The following NAGK variants were observed in gnomAD, a reference collection of about 807,000 sequenced individuals.
NAGK encodes the protein N-acetyl-D-glucosamine kinase.
A neutral mutation model predicts 42.9 loss-of-function variants in NAGK; 35 were observed. The ratio of observed to expected loss-of-function variants is 0.82; its 90% CI spans 0.62 to 1.08. NAGK has a LOEUF of 1.08. NAGK is among the 50% of genes least tolerant of loss of function. The probability of loss-of-function intolerance (pLI) is 0.00; values close to 1 mark genes in which losing one functional copy is unlikely to be tolerated. For missense variants in NAGK, 446 were observed against 446.0 expected, an observed-to-expected ratio of 1.00 and a Z score of 0.00; for synonymous variants, 172 against 176.0, an observed-to-expected ratio of 0.98 and a Z score of 0.18.
intron 6 of NAGK, 79 bp from the exon 7 acceptor site, chr2:71,075,476 T>C (rs192420781): frequency 6.6e-5 from 74 of 1,123,008 alleles, no homozygotes; most frequent in Non-Finnish European, 9.2e-5. Context: ...GTAGAGACAT[T>C]AGGAAGGCCA....
In NAGK at chr2:71,075,618, G is replaced by A; in HGVS notation, c.643G>A (p.Gly215Arg). The A allele has an allele frequency of 6.2e-7, 1 of 1,613,998 alleles. No homozygotes were observed. Among genetic ancestry groups the A allele is most frequent in the Non-Finnish European group, 8.5e-7 (1 of 1,179,888 alleles). ...YRDFDKCRFA[G>R]FCRKIAEGAQ... is the part of the protein sequence containing the mutation. ...GGACTTTGATAAATGCAGGTTTGCT[G>A]GGTTTTGCCGGAAAATTGCAGAAGG... Residue 215 changes from glycine (G) to arginine (R), a missense_variant, in exon 7 of 10, where the codon GGG becomes AGG. Physicochemically the swap from Gly to Arg is moderately radical, Grantham distance 125. Coordinates refer to ENST00000244204, the MANE Select transcript of NAGK (RefSeq NM_017567.6).
upstream of NAGK, chr2:71,068,326 C>G (rs961038136): frequency 1.1e-5 from 6 of 532,022 alleles, no homozygotes; most frequent in African/African-American, 1.0e-4. Context: ...CGGGCGTTTA[C>G]AGGCAGGCAG....
chr2:71,068,782 C>A, intron 1 of NAGK, 70 bp downstream of exon 1: 1 of 1,431,486 alleles, frequency 7.0e-7, no homozygotes, highest in South Asian at 1.5e-5. Context: ...GCCTGGCAAG[C>A]TGGTGGCCTT....
At chr2:71,072,522 C>T (rs1672054401) in intron 4 of NAGK, 119 bp from the exon 5 acceptor site, 2 of 782,654 alleles carry the variant, frequency 2.6e-6, no homozygotes, top group Admixed American at 4.4e-5. Flanking sequence ...TTCTCCTCTA[C>T]AGGACTGGGT....
chr2:71,068,588 A>C, upstream of NAGK: 1 of 1,521,740 alleles, frequency 6.6e-7, no homozygotes, highest in Non-Finnish European at 8.8e-7. Flanking sequence ...GCGGGAGGTC[A>C]CGGGAAGTGG....
At chr2:71,068,433 G>A (rs890577371), upstream of NAGK, 5 of 1,337,878 alleles carry the variant, frequency 3.7e-6, no homozygotes, top group African/African-American at 6.2e-5. Context: ...GGATCCAGGA[G>A]GACGGGAGGG....
Position 71,075,611 on chromosome 2 carries a change from G to A in NAGK, c.636G>A (p.Arg212=). The A allele has an allele frequency of 1.2e-6, 2 of 1,613,630 alleles. No homozygotes were observed. Among genetic ancestry groups the A allele is most frequent in the Non-Finnish European group, 1.7e-6 (2 of 1,179,550 alleles). Reference sequence around the variant, plus strand: ...TGTATAGGGACTTTGATAAATGCAGGTTTGCTGGGTTTTGCCGGAAAATTG... The same window carrying A: ...TGTATAGGGACTTTGATAAATGCAGATTTGCTGGGTTTTGCCGGAAAATTG... ...THLYRDFDKC[R]FAGFCRKIAE... is the part of the protein sequence containing the mutation. The change falls in exon 7 of 10, where the codon AGG becomes AGA. Residue 212 remains arginine (R), a synonymous_variant. Coordinates refer to ENST00000244204, the MANE Select transcript of NAGK (RefSeq NM_017567.6).
chr2:71,078,412 G>T lies in NAGK; in HGVS notation c.939G>T (p.Leu313=). 1 of 1,614,080 alleles carries T rather than the reference G, an allele frequency of 6.2e-7. No homozygotes were observed. The highest frequency in any genetic ancestry group is 8.5e-7 in the Non-Finnish European group (1 of 1,179,970). ...TGAAGCTGAGGCACTCCTCCGCTCTGGGTGGGGCCAGCCTAGGGGCCAGGC... is the reference window on the plus strand; with the variant it reads ...TGAAGCTGAGGCACTCCTCCGCTCTTGGTGGGGCCAGCCTAGGGGCCAGGC... ...TLMKLRHSSA[L]GGASLGARHI... The change falls in exon 10 of 10, where the codon CTG becomes CTT. Residue 313 remains leucine, a synonymous_variant. Coordinates refer to ENST00000244204, the MANE Select transcript of NAGK (RefSeq NM_017567.6).
chr2:71,068,749 G>A (rs1178745418), intron 1 of NAGK, 37 bp downstream of exon 1: 17 of 1,448,844 alleles, frequency 1.2e-5, no homozygotes, highest in Non-Finnish European at 1.5e-5. Context: ...TGGGCCCGAA[G>A]GCGGGGCGGA....
At chr2:71,071,920 A>G in intron 4 of NAGK, 93 bp downstream of exon 4, 1 of 1,482,566 alleles carries the variant, frequency 6.7e-7, no homozygotes, top group Non-Finnish European at 9.1e-7. Flanking sequence ...GCAAATATCC[A>G]GAAGGCAGCC....
chr2:71,068,524 C>A, upstream of NAGK: 1 of 1,456,336 alleles, frequency 6.9e-7, no homozygotes, highest in South Asian at 1.4e-5. Flanking sequence ...TCCCCGGCTC[C>A]TACCGGCGCC....
intron 3 of NAGK, 158 bp downstream of exon 3, chr2:71,070,997 A>G: frequency 1.4e-6 from 1 of 714,054 alleles, no homozygotes; most frequent in Non-Finnish European, 2.4e-6. Flanking sequence ...TCATGGCTTC[A>G]GTTGCCACCT....
chr2:71,077,861 A>G (rs1672274127), intron 9 of NAGK, among the ~76,000 whole-genome samples: 1 of 152,208 alleles, frequency 6.6e-6, no homozygotes, highest in Non-Finnish European at 1.5e-5. Flanking sequence ...TGTGTTCCAA[A>G]TGATTTATTG....
At chr2:71,074,405 C>T (rs185597747) in intron 6 of NAGK, among the ~76,000 whole-genome samples, 22 of 152,268 alleles carry the variant, frequency 1.4e-4, no homozygotes, top group Non-Finnish European at 1.3e-4. Flanking sequence ...ACTTGATGAG[C>T]AGTTGTCATA....
chr2:71,070,518 G>A lies in NAGK; in HGVS notation c.46G>A (p.Glu16Lys), dbSNP rs746001068. 5.6e-6 allele frequency: 9 copies of A among 1,613,842 alleles called. No individual in the cohort carries two copies. Among genetic ancestry groups the A allele is most frequent in the African/African-American group, 2.7e-5 (2 of 74,908 alleles). The change falls in exon 2 of 10, where the codon GAG (glutamate) becomes AAG (lysine). Residue 16 changes from glutamate to lysine, a missense_variant. Glu to Lys is a moderately conservative substitution (Grantham distance 56, BLOSUM62 1). Coordinates refer to ENST00000244204, the MANE Select transcript of NAGK (RefSeq NM_017567.6). ...GTTCTGTAGGGGAGGCACACGATCC[G>A]AGGTCCTTTTAGTCTCAGAGGATGG... is the stretch of plus-strand genomic sequence containing the variant. Reference protein sequence around the residue: ...GGVEGGGTRSEVLLVSEDGKI... With the variant: ...GGVEGGGTRSKVLLVSEDGKI...
intron 5 of NAGK, 123 bp downstream of exon 5, chr2:71,072,874 TG>T (rs1385570415): frequency 3.6e-6 from 3 of 841,138 alleles, no homozygotes; most frequent in Non-Finnish European, 3.9e-6. Context: ...CTCCTGAACC[TG>T]GCCATTCCAT....
chr2:71,072,447 TG>T (rs1297318734), intron 4 of NAGK, 193 bp from the exon 5 acceptor site: 1 of 547,596 alleles, frequency 1.8e-6, no homozygotes, highest in East Asian at 3.2e-5. Context: ...GAGGGCGTTA[TG>T]GGATTAGAGT....
chr2:71,075,965 T>A (rs1672196590), intron 7 of NAGK: 1 of 369,726 alleles, frequency 2.7e-6, no homozygotes, highest in Admixed American at 3.9e-5. Flanking sequence ...TAGCCAATTA[T>A]ACTCAAAGAA....
upstream of NAGK, chr2:71,068,572 G>T: frequency 6.6e-7 from 1 of 1,518,078 alleles, no homozygotes; most frequent in Non-Finnish European, 8.8e-7. Flanking sequence ...GGAGTCAGCT[G>T]GCTGCGCGGG....
Sources: allele counts gnomAD v4.1 joint callset (sites outside exome capture counted in the v4.1 genomes callset), GRCh38; gene constraint gnomAD v4.1.1; transcripts MANE v1.5; gene names NCBI Gene and HGNC (gene_info 2026-07-23, HGNC 2026-07-21).